Variants in TENM3 observed in about 807,000 individuals in gnomAD.
TENM3 encodes the protein teneurin-3.
TENM3 carries 63 observed loss-of-function variants against 255.1 expected under a neutral mutation model. The observed-to-expected ratio is 0.25, with a 90% CI of 0.20 to 0.30. The LOEUF (loss-of-function observed/expected upper bound fraction) is 0.30, where lower values mean the gene tolerates loss of function less well. Among genes scored for constraint, TENM3 ranks in the 10% least tolerant of loss-of-function variants. TENM3 has a pLI of 1.00. For missense variants in TENM3, 2,929 were observed against 3,461.1 expected (o/e 0.85, Z 3.86); for synonymous variants, 1,306 against 1,322.3 (o/e 0.99, Z 0.27).
chr4:182,165,758 G>A (rs571901057), intron 1 of TENM3, among the ~76,000 whole-genome samples: 1 of 152,274 alleles, frequency 6.6e-6, no homozygotes, highest in East Asian at 1.9e-4. Flanking sequence ...TTTGGGGGGT[G>A]AAGCAGGGCA....
At chr4:181,523,007 C>T in the TENM3 span, 1 of 639,510 alleles carries the variant, frequency 1.6e-6, no homozygotes. Flanking sequence ...ATGCATCAGT[C>T]CTATAATTTG....
chr4:182,538,996 T>C (rs1487188093), intron 3 of TENM3, among the ~76,000 whole-genome samples: 2 of 151,706 alleles, frequency 1.3e-5, no homozygotes, highest in Non-Finnish European at 2.9e-5. Flanking sequence ...TCAAGGGAAA[T>C]GTCAAAGCTA....
At chr4:182,595,602 G>C (rs1374616057) in intron 3 of TENM3, among the ~76,000 whole-genome samples, 1 of 152,118 alleles carries the variant, frequency 6.6e-6, no homozygotes, top group Non-Finnish European at 1.5e-5. Context: ...GGCTTTCATT[G>C]AAGTTATATG....
At chr4:182,491,518 AT>A (rs1235176012) in intron 3 of TENM3, among the ~76,000 whole-genome samples, 1 of 152,138 alleles carries the variant, frequency 6.6e-6, no homozygotes. Context: ...GAATATTTAT[AT>A]TTATATTTTT....
chr4:182,273,753 T>G (rs1451264288), intron 1 of TENM3, among the ~76,000 whole-genome samples: 2 of 152,222 alleles, frequency 1.3e-5, no homozygotes, highest in African/African-American at 4.8e-5. Flanking sequence ...CAAGGCAATT[T>G]CCAGCAGTGA....
At chr4:182,443,066 T>C (rs1422908925) in intron 3 of TENM3, among the ~76,000 whole-genome samples, 2 of 152,112 alleles carry the variant, frequency 1.3e-5, no homozygotes, top group East Asian at 1.9e-4. Flanking sequence ...AATGGAATGA[T>C]GGTTGGAAAC....
chr4:182,447,042 GAGAA>G (rs1294462345), intron 3 of TENM3, among the ~76,000 whole-genome samples: 12 of 152,240 alleles, frequency 7.9e-5, no homozygotes, highest in Non-Finnish European at 1.0e-4. Context: ...ATTTACTAAA[GAGAA>G]AGAATTTCAA....
chr4:182,519,177 A>C (rs1738302585), intron 3 of TENM3, among the ~76,000 whole-genome samples: 1 of 151,102 alleles, frequency 6.6e-6, no homozygotes, highest in Non-Finnish European at 1.5e-5. Context: ...AAAAAAAAAA[A>C]TGTAAAATAT....
the TENM3 span, among the ~76,000 whole-genome samples, chr4:181,856,356 C>A: frequency 6.6e-6 from 1 of 152,132 alleles, no homozygotes; most frequent in Admixed American, 6.5e-5. Flanking sequence ...GTATTCCCCC[C>A]GGCTTCATCT....
chr4:182,467,395 C>A (rs551286112), intron 3 of TENM3, among the ~76,000 whole-genome samples: 17 of 152,178 alleles, frequency 1.1e-4, no homozygotes, highest in South Asian at 2.1e-4. Context: ...AAAACTGATA[C>A]CATAAATACC....
chr4:182,328,284 C>A (rs1358399144), intron 2 of TENM3, among the ~76,000 whole-genome samples: 2 of 152,008 alleles, frequency 1.3e-5, no homozygotes, highest in East Asian at 1.9e-4. Context: ...GGCATGATCT[C>A]GGCTCACTGC....
At chr4:181,647,817 A>G in the TENM3 span, among the ~76,000 whole-genome samples, 1 of 152,136 alleles carries the variant, frequency 6.6e-6, no homozygotes, top group African/African-American at 2.4e-5. Flanking sequence ...CGCTCAGGGA[A>G]ACCGAACGGC....
the TENM3 span, among the ~76,000 whole-genome samples, chr4:181,550,339 G>A: frequency 6.6e-6 from 1 of 152,148 alleles, no homozygotes; most frequent in Non-Finnish European, 1.5e-5. Flanking sequence ...CCTACCTACA[G>A]CAAACAAGCT....
chr4:182,524,009 AG>A (rs1169478237), intron 3 of TENM3, among the ~76,000 whole-genome samples: 1 of 152,224 alleles, frequency 6.6e-6, no homozygotes, highest in East Asian at 1.9e-4. Context: ...AGGAAAAAAA[AG>A]AGCTAGAAAT....
At chr4:182,319,570 A>G (rs1232943069) in intron 1 of TENM3, among the ~76,000 whole-genome samples, 1 of 152,158 alleles carries the variant, frequency 6.6e-6, no homozygotes, top group Non-Finnish European at 1.5e-5. Context: ...TTGCTTCACA[A>G]ATAAAGAAAA....
intron 1 of TENM3, among the ~76,000 whole-genome samples, chr4:182,161,208 A>C (rs1243236322): frequency 7.1e-6 from 1 of 140,890 alleles, no homozygotes; most frequent in Non-Finnish European, 1.5e-5. Flanking sequence ...CGAGGTCAGG[A>C]GATCGAGACC....
intron 1 of TENM3, among the ~76,000 whole-genome samples, chr4:182,162,571 G>A (rs779762500): frequency 6.6e-6 from 1 of 152,142 alleles, no homozygotes. Context: ...CTCTTAGCCT[G>A]TTCATGCTGC....
the TENM3 span, among the ~76,000 whole-genome samples, chr4:182,011,028 T>C: frequency 6.6e-6 from 1 of 152,244 alleles, no homozygotes; most frequent in African/African-American, 2.4e-5. Context: ...TCAGTCAACA[T>C]GCTAGATTAA....
At chr4:182,075,668 G>A in the TENM3 span, among the ~76,000 whole-genome samples, 7 of 152,030 alleles carry the variant, frequency 4.6e-5, no homozygotes, top group South Asian at 2.1e-4. Flanking sequence ...CAAAACATGC[G>A]TTCCTTTTCT....
Sources: gnomAD v4.1 joint callset for allele counts (sites outside exome capture counted in the v4.1 genomes callset) on GRCh38, gnomAD v4.1.1 for gene constraint, MANE v1.5 for transcripts, NCBI Gene and HGNC (gene_info 2026-07-23, HGNC 2026-07-21) for gene names.